SAMD12: variants seen among roughly 807,000 people sequenced by gnomAD.
SAMD12 encodes the protein sterile alpha motif domain containing 12.
SAMD12 carries 9 observed loss-of-function variants against 15.0 expected under a neutral mutation model. The observed-to-expected ratio is 0.60, with a 90% CI of 0.36 to 1.05. SAMD12 has a LOEUF of 1.05. Ranked by LOEUF, SAMD12 falls within the 50% of genes least tolerant of loss-of-function variation. The pLI, the probability that SAMD12 is intolerant of heterozygous loss-of-function variation, is 0.01. For synonymous variants in SAMD12, 86 were observed against 90.1 expected (o/e 0.96, Z 0.25); for missense variants, 230 against 234.2 (o/e 0.98, Z 0.12).
intron 4 of SAMD12, among the ~76,000 whole-genome samples, chr8:118,310,235 C>G (rs1563752976): frequency 6.6e-6 from 1 of 152,030 alleles, no homozygotes; most frequent in Non-Finnish European, 1.5e-5. Flanking sequence ...GTTTGGTCTC[C>G]TTTTTTTTCC....
chr8:118,589,534 T>G (rs190721826), intron 1 of SAMD12, among the ~76,000 whole-genome samples: 1 of 152,198 alleles, frequency 6.6e-6, no homozygotes, highest in African/African-American at 2.4e-5. Context: ...AACTTAGGTA[T>G]TGCAGAATCA....
intron 3 of SAMD12, among the ~76,000 whole-genome samples, chr8:118,405,752 A>C (rs1321074383): frequency 6.6e-6 from 1 of 152,194 alleles, no homozygotes; most frequent in African/African-American, 2.4e-5. Context: ...TTGTCCTAGA[A>C]TTTGAAAGTG....
intron 4 of SAMD12, among the ~76,000 whole-genome samples, chr8:118,290,930 C>G (rs1814325227): frequency 6.6e-6 from 1 of 152,180 alleles, no homozygotes; most frequent in African/African-American, 2.4e-5. Flanking sequence ...ACAACTCTTA[C>G]AGAGAGAACA....
At chr8:118,375,246 G>A (rs567076042), downstream of SAMD12, among the ~76,000 whole-genome samples, 22 of 152,228 alleles carry the variant, frequency 1.4e-4, no homozygotes, top group African/African-American at 2.4e-4. Context: ...GCAATAAAGC[G>A]TAATGGGTAA....
At chr8:118,324,687 C>G (rs188649554) in intron 4 of SAMD12, among the ~76,000 whole-genome samples, 1 of 152,090 alleles carries the variant, frequency 6.6e-6, no homozygotes, top group African/African-American at 2.4e-5. Flanking sequence ...GTTAGACAGA[C>G]AAATGGGTAG....
At chr8:118,369,762 A>AAACAAC (rs201436221) in intron 4 of SAMD12, among the ~76,000 whole-genome samples, 3 of 152,014 alleles carry the variant, frequency 2.0e-5, no homozygotes, top group African/African-American at 4.8e-5. Flanking sequence ...AACAAAAATA[A>AAACAAC]AACAACAACA....
chr8:118,577,319 A>T (rs1211373464), intron 2 of SAMD12, among the ~76,000 whole-genome samples: 2 of 152,192 alleles, frequency 1.3e-5, no homozygotes, highest in Non-Finnish European at 2.9e-5. Flanking sequence ...ATAGAGTATT[A>T]TTCTGCCCAA....
chr8:118,283,873 T>C (rs192161040), intron 4 of SAMD12, among the ~76,000 whole-genome samples: 1 of 152,322 alleles, frequency 6.6e-6, no homozygotes, highest in Non-Finnish European at 1.5e-5. Flanking sequence ...AGGAGTTTCA[T>C]TCAGAAACTT....
intron 3 of SAMD12, among the ~76,000 whole-genome samples, chr8:118,426,485 C>A (rs374407850): frequency 3.9e-5 from 6 of 152,176 alleles, no homozygotes; most frequent in African/African-American, 9.7e-5. Context: ...CTCAGCAGAG[C>A]ATCCTGCACA....
rs73710214 is a variant in SAMD12, at chr8:118,454,292, A to C, written c.193-14331T>G. ...ATTGCTCCACAGTTTTCTTCCTTCA[A>C]ATGTTGCTGTGAGAAATCCAAAGTA... On this transcript the variant is annotated intron_variant, in intron 2 of 3. Transcript: ENST00000314727. Among the ~76,000 whole-genome samples the C allele has an allele frequency of 8.7e-3, 1,323 of 152,302 alleles. 13 individuals are homozygous for C. Among genetic ancestry groups the C allele is most frequent in the Middle Eastern group, 0.027 (8 of 294 alleles).
chr8:118,399,179 A>G (rs1261072169), intron 3 of SAMD12, among the ~76,000 whole-genome samples: 1 of 147,282 alleles, frequency 6.8e-6, no homozygotes, highest in Non-Finnish European at 1.5e-5. Context: ...CCATCACACC[A>G]GGCCCGATAA....
intron 4 of SAMD12, among the ~76,000 whole-genome samples, chr8:118,286,013 T>C (rs1281992724): frequency 6.6e-6 from 1 of 152,168 alleles, no homozygotes; most frequent in Non-Finnish European, 1.5e-5. Context: ...TCATGTCCTT[T>C]GTAGGGACAT....
At chr8:118,543,028 T>TG (rs1184344792) in intron 2 of SAMD12, among the ~76,000 whole-genome samples, 5 of 149,540 alleles carry the variant, frequency 3.3e-5, no homozygotes, top group African/African-American at 4.9e-5. Context: ...GATGAAAGGA[T>TG]GAAAAAAAGG....
At chr8:118,306,462 A>G (rs1168433154) in intron 4 of SAMD12, among the ~76,000 whole-genome samples, 1 of 152,126 alleles carries the variant, frequency 6.6e-6, no homozygotes, top group African/African-American at 2.4e-5. Flanking sequence ...GCTGTTCCAT[A>G]CCCTCTGTAC....
At chr8:118,586,174 A>G (rs1167820509) in intron 1 of SAMD12, among the ~76,000 whole-genome samples, 1 of 152,150 alleles carries the variant, frequency 6.6e-6, no homozygotes, top group Non-Finnish European at 1.5e-5. Context: ...GTGCTTCTCT[A>G]CCTTGACAGA....
At chr8:118,186,688 T>C (rs1036750444), downstream of SAMD12, among the ~76,000 whole-genome samples, 1 of 151,872 alleles carries the variant, frequency 6.6e-6, no homozygotes, top group African/African-American at 2.4e-5. Flanking sequence ...TAAAGAAAAA[T>C]TCAATGTTTA....
At chr8:118,603,268 G>GT (rs1167556355) in intron 1 of SAMD12, among the ~76,000 whole-genome samples, 2 of 152,058 alleles carry the variant, frequency 1.3e-5, no homozygotes, top group Non-Finnish European at 2.9e-5. Context: ...TTTCCATTCA[G>GT]TAACACCACA....
intron 4 of SAMD12, among the ~76,000 whole-genome samples, chr8:118,324,770 A>T (rs1288567718): frequency 6.6e-6 from 1 of 152,170 alleles, no homozygotes; most frequent in Non-Finnish European, 1.5e-5. Context: ...TGGGACCGCA[A>T]GTGATTCTAT....
exon 5 of SAMD12, chr8:118,190,522 T>A (rs1819337427): frequency 6.6e-6 from 1 of 152,064 alleles, no homozygotes; most frequent in Non-Finnish European, 1.5e-5. Context: ...TGTGTGTGTG[T>A]GTGTGTGTGC....
Sources: allele counts gnomAD v4.1 joint callset (sites outside exome capture counted in the v4.1 genomes callset), GRCh38; gene constraint gnomAD v4.1.1; transcripts MANE v1.5; gene names NCBI Gene and HGNC (gene_info 2026-07-23, HGNC 2026-07-21).